LTBP2: variants seen among roughly 807,000 people sequenced by gnomAD.
LTBP2 encodes the protein latent-transforming growth factor beta-binding protein 2.
A neutral mutation model predicts 210.6 loss-of-function variants in LTBP2; 103 were observed. The observed-to-expected ratio is 0.49, with a 90% CI of 0.42 to 0.58. The LOEUF (loss-of-function observed/expected upper bound fraction) is 0.58, where lower values mean the gene tolerates loss of function less well. Ranked by LOEUF, LTBP2 falls within the 20% of genes least tolerant of loss-of-function variation. The pLI is 0.00. For missense variants in LTBP2, 2,313 were observed against 2,494.5 expected, an observed-to-expected ratio of 0.93 and a Z score of 1.55; for synonymous variants, 1,007 against 1,015.0, an observed-to-expected ratio of 0.99 and a Z score of 0.15.
intron 3 of LTBP2, among the ~76,000 whole-genome samples, chr14:74,561,909 A>T (rs774543580): frequency 9.9e-5 from 15 of 152,122 alleles, no homozygotes; most frequent in Non-Finnish European, 2.2e-4. Context: ...GACATTCCAG[A>T]TTAGAAAAAC....
chr14:74,547,888 C>T (rs1352679633), intron 8 of LTBP2, among the ~76,000 whole-genome samples: 1 of 152,172 alleles, frequency 6.6e-6, no homozygotes, highest in Non-Finnish European at 1.5e-5. Flanking sequence ...ACCCTTCTGA[C>T]ATGCCTGCCT....
chr14:74,500,233 T>C lies in LTBP2; in HGVS notation c.*651A>G. 4.2e-6 allele frequency: 1 copy of C among 235,420 alleles called. No individual in the cohort carries two copies. The allele number at this position is 235,420 out of a possible 1,614,324, so 14.6% of individuals were successfully genotyped here. On this transcript the variant is annotated 3_prime_UTR_variant, in exon 36 of 36. Coordinates refer to ENST00000261978, the MANE Select transcript of LTBP2 (RefSeq NM_000428.3). ...TCTCAGGCTCTTTGTTCTTCTTCATTTGTGTCTCTTACATTCAACAAGCTA... is the reference window on the plus strand; with the variant it reads ...TCTCAGGCTCTTTGTTCTTCTTCATCTGTGTCTCTTACATTCAACAAGCTA...
intron 1 of LTBP2, among the ~76,000 whole-genome samples, chr14:74,609,511 CTA>C (rs1216481592): frequency 6.6e-6 from 1 of 152,158 alleles, no homozygotes; most frequent in Non-Finnish European, 1.5e-5. Flanking sequence ...CCAGCCCAAG[CTA>C]TGTCTCTAGG....
chr14:74,521,778 TCTC>T (rs1188785001), intron 17 of LTBP2, 130 bp downstream of exon 17: 3 of 1,247,254 alleles, frequency 2.4e-6, no homozygotes, highest in Non-Finnish European at 1.2e-6. Flanking sequence ...AGTTCTGGTC[TCTC>T]CTCCTTCACT....
chr14:74,555,172 T>C (rs2087713118), intron 4 of LTBP2, among the ~76,000 whole-genome samples: 1 of 151,592 alleles, frequency 6.6e-6, no homozygotes, highest in Middle Eastern at 3.2e-3. Context: ...TTGGGGTTTG[T>C]AGGAGGGATG....
intron 2 of LTBP2, among the ~76,000 whole-genome samples, chr14:74,590,646 T>C (rs570024921): frequency 5.3e-5 from 8 of 152,268 alleles, no homozygotes; most frequent in African/African-American, 1.9e-4. Context: ...CCATGGAATA[T>C]TACTCAGTCA....
chr14:74,543,542 C>CT (rs1185987542), intron 8 of LTBP2, among the ~76,000 whole-genome samples: 3 of 122,020 alleles, frequency 2.5e-5, no homozygotes, highest in East Asian at 2.6e-4. Flanking sequence ...TCCCTTTTTC[C>CT]TCCCTCCCTC....
intron 2 of LTBP2, among the ~76,000 whole-genome samples, chr14:74,592,879 C>T (rs374436252): frequency 1.1e-3 from 174 of 152,244 alleles, no homozygotes; most frequent in Middle Eastern, 6.8e-3. Flanking sequence ...TACACTGTGA[C>T]GAAGCCTCCT....
intron 8 of LTBP2, among the ~76,000 whole-genome samples, chr14:74,544,304 A>C (rs1489566543): frequency 1.3e-5 from 2 of 152,206 alleles, no homozygotes; most frequent in African/African-American, 4.8e-5. Flanking sequence ...AAGAAGCAGC[A>C]GAGAGAGGCC....
chr14:74,604,041 A>G (rs1013119110), intron 1 of LTBP2, among the ~76,000 whole-genome samples: 9 of 152,020 alleles, frequency 5.9e-5, no homozygotes, highest in African/African-American at 1.9e-4. Context: ...CCTAAAGCTA[A>G]TAAGCCACTT....
In LTBP2 at chr14:74,508,825, C is replaced by T; in HGVS notation, c.3526+5G>A. On this transcript the variant is annotated splice_donor_5th_base_variant and intron_variant, in intron 23 of 35. Transcript: ENST00000261978. ...ACCCCCAGTAGGGTGACCTGGGTCA[C>T]TCACCCTCACACACGGTGCCATTGG... 2 of 1,613,682 alleles carry T rather than the reference C, an allele frequency of 1.2e-6. No individual in the cohort carries two copies. The highest frequency in any genetic ancestry group is 1.7e-6 in the Non-Finnish European group (2 of 1,179,948).
At position 74,504,975 on chromosome 14, in the gene LTBP2, G is replaced by T. The variant is rs963530333; in HGVS notation, c.4369+8C>A. ...CCCTTCGAGGATCTGGAACCCTTGG[G>T]GTCTTACCTGAGTCCTCAGACGGGC... is the stretch of plus-strand genomic sequence containing the variant. On this transcript the variant is annotated splice_region_variant and intron_variant, in intron 29 of 35. Transcript: ENST00000261978. 6.2e-7 allele frequency: 1 copy of T among 1,614,054 alleles called. No homozygotes were observed. The highest frequency in any genetic ancestry group is 1.3e-5 in the African/African-American group (1 of 74,918).
chr14:74,594,651 C>G (rs2088332626), intron 2 of LTBP2, among the ~76,000 whole-genome samples: 1 of 152,220 alleles, frequency 6.6e-6, no homozygotes, highest in East Asian at 1.9e-4. Context: ...CTGGAGACCT[C>G]AGTTTGTCCC....
chr14:74,551,490 C>G (rs931511462), intron 6 of LTBP2, 140 bp from the exon 7 acceptor site: 1 of 854,638 alleles, frequency 1.2e-6, no homozygotes, highest in Non-Finnish European at 1.8e-6. Context: ...CATTTCTTTG[C>G]TCCCAAGTTA....
chr14:74,504,109 C>A, intron 30 of LTBP2, 55 bp from the exon 31 acceptor site: 1 of 1,600,954 alleles, frequency 6.2e-7, no homozygotes, highest in Non-Finnish European at 8.5e-7. Flanking sequence ...TGAGGGGTAC[C>A]TAGAGCAGGG....
At chr14:74,543,180 C>T (rs1326749088) in intron 8 of LTBP2, among the ~76,000 whole-genome samples, 2 of 151,856 alleles carry the variant, frequency 1.3e-5, no homozygotes, top group African/African-American at 4.8e-5. Context: ...AGATTGAGAC[C>T]ATCCCAGCTA....
rs115764967 is a variant in LTBP2, at chr14:74,514,465, C to G, written c.2908+2357G>C. On this transcript the variant is annotated intron_variant, in intron 18 of 35. Coordinates refer to ENST00000261978, the MANE Select transcript of LTBP2 (RefSeq NM_000428.3). ...CCAGCTTGCCAAGCTTCTGTTGGTT[C>G]GCTGGGAGAATCCTGGAGCTTCTCT... is the stretch of plus-strand genomic sequence containing the variant. Among the ~76,000 whole-genome samples, 3 of 152,174 alleles carry G rather than the reference C, an allele frequency of 2.0e-5. No individual in the cohort carries two copies. In the South Asian group the frequency reaches 6.2e-4, roughly 32 times the overall value.
At chr14:74,568,640 G>A (rs576591811) in intron 3 of LTBP2, among the ~76,000 whole-genome samples, 1 of 152,256 alleles carries the variant, frequency 6.6e-6, no homozygotes, top group East Asian at 1.9e-4. Context: ...TATTAATTCA[G>A]TTAACCACCA....
At chr14:74,516,079 G>A (rs2087130455) in intron 18 of LTBP2, among the ~76,000 whole-genome samples, 1 of 152,236 alleles carries the variant, frequency 6.6e-6, no homozygotes, top group South Asian at 2.1e-4. Flanking sequence ...GCTGGGAGGA[G>A]TCTCAGCCTA....
Sources: gnomAD v4.1 joint callset for allele counts (sites outside exome capture counted in the v4.1 genomes callset) on GRCh38, gnomAD v4.1.1 for gene constraint, MANE v1.5 for transcripts, NCBI Gene and HGNC (gene_info 2026-07-23, HGNC 2026-07-21) for gene names.